CERT1: variants seen among roughly 807,000 people sequenced by gnomAD.
The protein encoded by CERT1 is ceramide transfer protein.
CERT1 carries 31 observed loss-of-function variants against 87.9 expected under a neutral mutation model. That is an observed-to-expected ratio of 0.35 (90% CI 0.27 to 0.48). CERT1 has a LOEUF of 0.48. Among genes scored for constraint, CERT1 ranks in the 20% least tolerant of loss-of-function variants. CERT1 has a pLI of 0.99. For synonymous variants in CERT1, 289 were observed against 250.9 expected (o/e 1.15, Z -1.44); for missense variants, 487 against 758.0 (o/e 0.64, Z 4.20).
intron 7 of CERT1, among the ~76,000 whole-genome samples, chr5:75,412,688 G>C (rs28408106): frequency 0.12 from 18,799 of 152,116 alleles, 1,259 homozygotes; most frequent in South Asian, 0.23. Context: ...AAGTATTTGT[G>C]AATCTAAACA....
In CERT1 at chr5:75,507,402, C is replaced by T. The variant is rs1178940174; in HGVS notation, c.97-1286G>A. ...CTGGGACTACAGGTGAGCCACCATC[C>T]CTAGCCAGTTCTTAATTTTTCTAAG... On this transcript the variant is annotated intron_variant, in intron 1 of 16. Transcript: ENST00000643780. 2.0e-5 allele frequency among the ~76,000 whole-genome samples: 3 copies of T among 152,226 alleles called. No homozygotes were observed. In the East Asian group the frequency reaches 5.8e-4, roughly 29 times the overall value.
chr5:75,466,787 T>C (rs1339398852), intron 2 of CERT1, among the ~76,000 whole-genome samples: 2 of 152,204 alleles, frequency 1.3e-5, no homozygotes, highest in Non-Finnish European at 2.9e-5. Context: ...CCACTTCTCT[T>C]TGTTGCTGTA....
intron 3 of CERT1, among the ~76,000 whole-genome samples, chr5:75,444,525 T>C (rs1217696931): frequency 6.6e-6 from 1 of 151,876 alleles, no homozygotes; most frequent in Non-Finnish European, 1.5e-5. Context: ...TTATCACTGT[T>C]TAGTTGATTT....
chr5:75,466,369 A>T (rs1440467709), intron 2 of CERT1, among the ~76,000 whole-genome samples: 1 of 152,188 alleles, frequency 6.6e-6, no homozygotes, highest in Non-Finnish European at 1.5e-5. Context: ...TACCTCAGAG[A>T]TGCCAGTACC....
chr5:75,390,861 C>A (rs547968058), intron 11 of CERT1, among the ~76,000 whole-genome samples: 1 of 152,140 alleles, frequency 6.6e-6, no homozygotes, highest in Non-Finnish European at 1.5e-5. Flanking sequence ...TGGAGTGCAG[C>A]GGCACAATCA....
At chr5:75,434,021 C>T (rs1194598113) in intron 3 of CERT1, among the ~76,000 whole-genome samples, 1 of 152,058 alleles carries the variant, frequency 6.6e-6, no homozygotes, top group East Asian at 1.9e-4. Flanking sequence ...GAGCTTCCAG[C>T]ATTATGTTCA....
intron 8 of CERT1, among the ~76,000 whole-genome samples, chr5:75,407,473 A>T (rs573953360): frequency 1.9e-4 from 26 of 134,812 alleles, no homozygotes; most frequent in East Asian, 1.6e-3. Flanking sequence ...GAAAAAAATT[A>T]AAAAAAAAAA....
At chr5:75,387,845 ATGCT>A (rs915817246) in intron 12 of CERT1, among the ~76,000 whole-genome samples, 4 of 152,118 alleles carry the variant, frequency 2.6e-5, no homozygotes, top group Non-Finnish European at 5.9e-5. Flanking sequence ...GAGTAACTTT[ATGCT>A]TCCCATTATC....
At chr5:75,506,966 T>A (rs2112477141) in intron 1 of CERT1, among the ~76,000 whole-genome samples, 1 of 152,306 alleles carries the variant, frequency 6.6e-6, no homozygotes, top group East Asian at 1.9e-4. Flanking sequence ...GGGTGTTAAG[T>A]ATAGAAAAAT....
chr5:75,387,809 T>C (rs1392715272), intron 12 of CERT1, among the ~76,000 whole-genome samples: 1 of 152,194 alleles, frequency 6.6e-6, no homozygotes, highest in African/African-American at 2.4e-5. Context: ...AGACAATTGT[T>C]ATAGACAACG....
intron 8 of CERT1, chr5:75,410,799 T>A (rs1311950009): frequency 9.0e-6 from 3 of 333,628 alleles, no homozygotes; most frequent in Non-Finnish European, 1.6e-5. Flanking sequence ...ATACTAAGCC[T>A]TTTGAAGCCT....
chr5:75,483,765 G>T (rs572294303), intron 2 of CERT1, among the ~76,000 whole-genome samples: 16 of 151,738 alleles, frequency 1.1e-4, no homozygotes, highest in Admixed American at 3.3e-4. Context: ...GAAAAATAAA[G>T]ACTTTCACAG....
intron 5 of CERT1, 108 bp from the exon 6 acceptor site, chr5:75,419,532 A>C: frequency 4.2e-6 from 3 of 717,666 alleles, no homozygotes; most frequent in Non-Finnish European, 7.1e-6. Context: ...CTGAGTATGA[A>C]GTCTTACTCA....
chr5:75,425,053 G>GGCTGCAGTGAGCTATGATCGCGCC (rs1206609884), intron 5 of CERT1, among the ~76,000 whole-genome samples: 5 of 152,160 alleles, frequency 3.3e-5, no homozygotes, highest in Non-Finnish European at 7.3e-5. Flanking sequence ...AGAAGTTTGA[G>GGCTGCAGTGAGCTATGATCGCGCC]GCTGCAGTGA....
rs371606875 is a variant in CERT1 at position 75,399,277 on chromosome 5, G to C, written c.1188+33C>G. Reference sequence around the variant, plus strand: ...AGCAGGCTGAAATATAGCACAGAAAGACTCAAGTCCACTCTATACATTCAT... The same window carrying C: ...AGCAGGCTGAAATATAGCACAGAAACACTCAAGTCCACTCTATACATTCAT... On this transcript the variant is annotated intron_variant, in intron 11 of 16. Coordinates refer to ENST00000643780, the MANE Select transcript of CERT1 (RefSeq NM_001379029.1). 19 of 1,477,730 alleles carry C rather than the reference G, an allele frequency of 1.3e-5. No individual in the cohort carries two copies. In the African/African-American group the frequency reaches 1.9e-4, roughly 15 times the overall value. 91.5% of individuals were successfully genotyped at this position (1,477,730 alleles called of 1,614,324 possible).
intron 11 of CERT1, among the ~76,000 whole-genome samples, chr5:75,394,668 G>C (rs904055718): frequency 2.0e-5 from 3 of 152,210 alleles, no homozygotes; most frequent in Admixed American, 6.5e-5. Context: ...AAGGTGCAGT[G>C]AGTGGTGATC....
At chr5:75,421,675 C>T (rs564354412) in intron 5 of CERT1, among the ~76,000 whole-genome samples, 4 of 152,098 alleles carry the variant, frequency 2.6e-5, no homozygotes, top group South Asian at 2.1e-4. Context: ...AGTTATAATA[C>T]GACTATTCCT....
In CERT1 at chr5:75,416,939, T is replaced by C; in HGVS notation, c.774A>G (p.Thr258=). The C allele has an allele frequency of 1.9e-6, 3 of 1,613,544 alleles. No individual in the cohort carries two copies. The highest frequency in any genetic ancestry group is 2.5e-6 in the Non-Finnish European group (3 of 1,179,590). ...CCATTAGTTCAATACAATGAGAAAG[T>C]GTTGCAAGGATTCCAGCAGTAGTTG... ...FKATTAGILA[T]LSHCIELMVK... The change falls in exon 7 of 17, where the codon ACA becomes ACG. Residue 258 remains threonine, a synonymous_variant. Coordinates refer to ENST00000643780, the MANE Select transcript of CERT1 (RefSeq NM_001379029.1).
At chr5:75,467,868 T>C (rs1765538306) in intron 2 of CERT1, among the ~76,000 whole-genome samples, 1 of 152,146 alleles carries the variant, frequency 6.6e-6, no homozygotes, top group Non-Finnish European at 1.5e-5. Flanking sequence ...CTATGTAAAA[T>C]CAGACCATAG....
Sources: gnomAD v4.1 joint callset for allele counts (sites outside exome capture counted in the v4.1 genomes callset) on GRCh38, gnomAD v4.1.1 for gene constraint, MANE v1.5 for transcripts, NCBI Gene and HGNC (gene_info 2026-07-23, HGNC 2026-07-21) for gene names.